CHST6: variants seen among roughly 807,000 people sequenced by gnomAD.
CHST6 encodes N-acetylglucosamine 6-O-sulfotransferase 5.
For missense variants in CHST6, 698 were observed against 586.2 expected, an observed-to-expected ratio of 1.19 and a Z score of -1.97; for synonymous variants, 309 against 276.4, an observed-to-expected ratio of 1.12 and a Z score of -1.17.
At chr16:75,483,409 A>G (rs2080163607) in intron 1 of CHST6, among the ~76,000 whole-genome samples, 1 of 152,212 alleles carries the variant, frequency 6.6e-6, no homozygotes, top group Admixed American at 6.5e-5. Flanking sequence ...AGGAACTGCT[A>G]TGAGATCCTA....
chr16:75,488,681 GGGAACAT>G (rs1353186379), intron 1 of CHST6, among the ~76,000 whole-genome samples: 1 of 151,678 alleles, frequency 6.6e-6, no homozygotes, highest in East Asian at 2.0e-4. Flanking sequence ...ACATAAAGCA[GGGAACAT>G]AAAACATAAA....
chr16:75,482,003 A>G (rs1597476428), intron 1 of CHST6, 112 bp from the exon 2 acceptor site: 2 of 376,788 alleles, frequency 5.3e-6, no homozygotes, highest in East Asian at 1.5e-4. Context: ...GATGTGCAAC[A>G]TTTAACCTCT....
intron 2 of CHST6, among the ~76,000 whole-genome samples, chr16:75,480,942 A>AAG (rs1555501066): frequency 0.029 from 3,478 of 117,942 alleles, 74 homozygotes; most frequent in African/African-American, 0.04. Context: ...AAAAAAAAAA[A>AAG]AAAAGAAAAG....
chr16:75,491,193 AT>A (rs1567416148), intron 1 of CHST6, among the ~76,000 whole-genome samples: 4,437 of 65,540 alleles, frequency 0.068, 244 homozygotes, highest in Non-Finnish European at 0.11. Context: ...AAAAAAAAAT[AT>A]ATATATATAT....
Position 75,478,092 on chromosome 16 carries a change from C to G in CHST6, c.*549G>C, listed in dbSNP as rs529682506. ...AATCTGACCCTTCTCACCCAGGAGGCAGGTCCTCTCCTATCCACTGGAGAC... is the reference window on the plus strand; with the variant it reads ...AATCTGACCCTTCTCACCCAGGAGGGAGGTCCTCTCCTATCCACTGGAGAC... On this transcript the variant is annotated 3_prime_UTR_variant, in exon 3 of 3. Transcript: ENST00000332272. The G allele has an allele frequency of 1.2e-4, 20 of 170,030 alleles. 1 individual carries two copies. In the South Asian group the frequency reaches 2.8e-3, roughly 24 times the overall value. 10.5% of individuals were successfully genotyped at this position (170,030 alleles called of 1,614,324 possible).
At position 75,484,552 on chromosome 16, in the gene CHST6, G is replaced by A. The variant is rs570146982; in HGVS notation, c.-91-2661C>T. Among the ~76,000 whole-genome samples, 7 of 151,484 alleles carry A rather than the reference G, an allele frequency of 4.6e-5. No homozygotes were observed. The South Asian group carries it at 1.3e-3, about 27-fold the overall frequency. ...TTTTTGGAAAAGTTAACACATAGGT[G>A]TTGTATAAAATTCTAAGCCACGCAT... On this transcript the variant is annotated intron_variant, in intron 1 of 2. Transcript: ENST00000332272.
rs542035350 is a variant in CHST6, at chr16:75,480,935, AAAAAAAAAAAAGAAAAG to A, written c.-17+865_-17+881del. Among the ~76,000 whole-genome samples the A allele has an allele frequency of 2.8e-3, 328 of 116,412 alleles. 1 individual carries two copies. Among genetic ancestry groups the A allele is most frequent in the Non-Finnish European group, 4.3e-3 (221 of 51,670 alleles). 76.4% of individuals were successfully genotyped at this position (116,412 alleles called of 152,430 possible). On this transcript the variant is annotated intron_variant, in intron 2 of 2. Transcript: ENST00000332272. ...AGAGCAAAACTTCATTCCAAAAAAA[AAAAAAAAAAAAGAAAAG>A]AAAAGAAAAGAAGCAAATAGGCAGG...
Position 75,491,218 on chromosome 16 carries a change from T to TATATATATAA in CHST6, c.-92+3721_-92+3722insTTATATATAT, listed in dbSNP as rs1384245947. 2.4e-3 allele frequency among the ~76,000 whole-genome samples: 239 copies of TATATATATAA among 97,592 alleles called. 1 individual carries two copies. Among genetic ancestry groups the TATATATATAA allele is most frequent in the East Asian group, 9.4e-3 (18 of 1,908 alleles). The allele number at this position is 97,592 out of a possible 152,430, so 64.0% of individuals were successfully genotyped here. On this transcript the variant is annotated intron_variant, in intron 1 of 2. Coordinates refer to ENST00000332272, the MANE Select transcript of CHST6 (RefSeq NM_021615.5). The stretch of plus-strand genomic sequence containing the variant: ...ATATATATATATATATATATATATA[T>TATATATATAA]AAAATATAATATACTTATATATAAT...
intron 1 of CHST6, among the ~76,000 whole-genome samples, chr16:75,489,416 A>G (rs962904622): frequency 2.7e-4 from 41 of 151,550 alleles, no homozygotes; most frequent in Non-Finnish European, 4.3e-4. Context: ...AAAAAAAAAA[A>G]AAAGAAAAAA....
At chr16:75,493,784 C>T (rs1597487592) in intron 1 of CHST6, among the ~76,000 whole-genome samples, 1 of 152,138 alleles carries the variant, frequency 6.6e-6, no homozygotes, top group African/African-American at 2.4e-5. Flanking sequence ...ATGTGGCAGG[C>T]ACAGACAGGG....
At chr16:75,491,753 T>C (rs2080259072) in intron 1 of CHST6, among the ~76,000 whole-genome samples, 1 of 152,150 alleles carries the variant, frequency 6.6e-6, no homozygotes, top group Non-Finnish European at 1.5e-5. Context: ...AAATCAGAAA[T>C]TTCTAGTTGG....
At chr16:75,491,190 A>AATATATATATATATATATAT (rs1555501738) in intron 1 of CHST6, among the ~76,000 whole-genome samples, 5 of 50,090 alleles carry the variant, frequency 1.0e-4, no homozygotes, top group Admixed American at 3.6e-4. Context: ...AAAAAAAAAA[A>AATATATATATATATATATAT]ATATATATAT....
At chr16:75,494,564 A>C (rs955787270) in intron 1 of CHST6, among the ~76,000 whole-genome samples, 1 of 152,240 alleles carries the variant, frequency 6.6e-6, no homozygotes, top group African/African-American at 2.4e-5. Flanking sequence ...GCAGTGACGC[A>C]GGACTCCAAT....
chr16:75,493,516 CAAAAAAA>C (rs55916880), intron 1 of CHST6, among the ~76,000 whole-genome samples: 1 of 104,372 alleles, frequency 9.6e-6, no homozygotes, highest in Non-Finnish European at 2.2e-5. Flanking sequence ...GACTCCGTAT[CAAAAAAA>C]AAAAAAAAAA....
At chr16:75,491,220 A>ATATATAT in intron 1 of CHST6, among the ~76,000 whole-genome samples, 3 of 126,144 alleles carry the variant, frequency 2.4e-5, no homozygotes, top group African/African-American at 3.0e-5. Flanking sequence ...TATATATATA[A>ATATATAT]AATATAATAT....
At position 75,479,671 on chromosome 16, in the gene CHST6, G is replaced by C. The variant is rs1367368617; in HGVS notation, c.158C>G (p.Ser53Trp). ...GTTGAAGAGTTGGCCCACGAAGGAC[G>C]AGCCCGAGCGCCACGAGGACAGCAC... is the stretch of plus-strand genomic sequence containing the variant. Reference protein sequence around the residue: ...VLVLSSWRSGSSFVGQLFNQH... With the variant: ...VLVLSSWRSGWSFVGQLFNQH... Residue 53 changes from serine (S) to tryptophan (W), a missense_variant, in exon 3 of 3, where the codon TCG becomes TGG. Physicochemically the swap from Ser to Trp is radical, Grantham distance 177. Transcript: ENST00000332272. 6.2e-7 allele frequency: 1 copy of C among 1,612,394 alleles called. No homozygotes were observed. Among genetic ancestry groups the C allele is most frequent in the African/African-American group, 1.3e-5 (1 of 74,924 alleles).
rs576689365 is a variant in CHST6, at chr16:75,478,949, T to C, written c.880A>G (p.Ser294Gly). The C allele has an allele frequency of 9.3e-6, 15 of 1,613,074 alleles. No homozygotes were observed. Among genetic ancestry groups the C allele is most frequent in the Middle Eastern group, 1.6e-4 (1 of 6,062 alleles). ...IRALYAFTGL[S>G]LTPQLEAWIH... ...CAGGCCTCGAGCTGTGGCGTGAGACTGAGCCCAGTGAAGGCGTAGAGCGCA... is the reference window on the plus strand; with the variant it reads ...CAGGCCTCGAGCTGTGGCGTGAGACCGAGCCCAGTGAAGGCGTAGAGCGCA... The change falls in exon 3 of 3, where the codon AGT (serine) becomes GGT (glycine). Residue 294 changes from serine to glycine, a missense_variant. Transcript: ENST00000332272.
In CHST6 at chr16:75,472,158, T is replaced by C. The variant is rs1291380877; in HGVS notation, c.*6483A>G. The C allele has an allele frequency of 2.0e-5, 3 of 152,222 alleles. No homozygotes were observed. The East Asian group carries it at 5.8e-4, about 29-fold the overall frequency. 9.4% of individuals were successfully genotyped at this position (152,222 alleles called of 1,614,324 possible). On this transcript the variant is annotated 3_prime_UTR_variant, in exon 3 of 3. Transcript: ENST00000332272. ...ATTCACATTCAACAATATGATAAAC[T>C]AGGTGAAACTTTTTGAAATTTGATT...
In CHST6 at chr16:75,484,962, C is replaced by G. The variant is rs534016045; in HGVS notation, c.-91-3071G>C. Among the ~76,000 whole-genome samples, 12 of 152,320 alleles carry G rather than the reference C, an allele frequency of 7.9e-5. No homozygotes were observed. In the East Asian group the frequency reaches 2.1e-3, roughly 27 times the overall value. ...CCCCTGGGCAGACACAGCCCCACAC[C>G]AGAGCACAAGGCCAGTCAGGCAGAA... On this transcript the variant is annotated intron_variant, in intron 1 of 2. Transcript: ENST00000332272.
Sources: allele counts gnomAD v4.1 joint callset (sites outside exome capture counted in the v4.1 genomes callset), GRCh38; gene constraint gnomAD v4.1.1; transcripts MANE v1.5; gene names NCBI Gene and HGNC (gene_info 2026-07-23, HGNC 2026-07-21).